The following MORC1 variants were observed in gnomAD, a reference collection of about 807,000 sequenced individuals.
MORC1 encodes the protein MORC family CW-type zinc finger 1, also known as MORC family CW-type zinc finger protein 1.
Under a neutral mutation model 134.9 loss-of-function variants are expected in MORC1, and 59 were observed. The observed-to-expected ratio is 0.44, with a 90% CI of 0.35 to 0.54. The LOEUF (loss-of-function observed/expected upper bound fraction) is 0.54, where lower values mean the gene tolerates loss of function less well. Among genes scored for constraint, MORC1 ranks in the 20% least tolerant of loss-of-function variants. MORC1 has a pLI of 0.00. For synonymous variants in MORC1, 395 were observed against 391.7 expected, an observed-to-expected ratio of 1.01 and a Z score of -0.10; for missense variants, 947 against 1,134.5, an observed-to-expected ratio of 0.83 and a Z score of 2.37.
intron 2 of MORC1, among the ~76,000 whole-genome samples, chr3:109,112,204 C>T (rs1951181701): frequency 6.6e-6 from 1 of 152,132 alleles, no homozygotes; most frequent in African/African-American, 2.4e-5. Context: ...TTATAATAAT[C>T]TTTGTTCTTT....
At chr3:108,996,308 A>ACACACACACACACACACACACACAC (rs1553745343) in intron 21 of MORC1, among the ~76,000 whole-genome samples, 4 of 151,326 alleles carry the variant, frequency 2.6e-5, no homozygotes, top group African/African-American at 7.3e-5. Flanking sequence ...ACACACACAC[A>ACACACACACACACACACACACACAC]ACTAGAATTT....
rs141081594 is a variant in MORC1 at position 109,058,649 on chromosome 3, A to C, written c.1031+1157T>G. Among the ~76,000 whole-genome samples, 208 of 152,192 alleles carry C rather than the reference A, an allele frequency of 1.4e-3. 1 individual carries two copies. The highest frequency in any genetic ancestry group is 0.014 in the Middle Eastern group (4 of 294). ...CTATATATTTATTAAACACATGTAT[A>C]TCTAAGGTTAAATATATAGGAATCA... is the stretch of plus-strand genomic sequence containing the variant. On this transcript the variant is annotated intron_variant, in intron 12 of 27. Coordinates refer to ENST00000232603, the MANE Select transcript of MORC1 (RefSeq NM_014429.4).
Position 109,054,898 on chromosome 3 carries a change from C to A in MORC1, c.1176-16G>T. 1 of 1,575,330 alleles carries A rather than the reference C, an allele frequency of 6.3e-7. No homozygotes were observed. Among genetic ancestry groups the A allele is most frequent in the Non-Finnish European group, 8.6e-7 (1 of 1,168,970 alleles). On this transcript the variant is annotated splice_polypyrimidine_tract_variant and intron_variant, in intron 13 of 27. Transcript: ENST00000232603. ...TGCGCCAAGTCTGAGAAAATATATGCATATTTAAATTTTGAAAATTTGGCT... is the reference window on the plus strand; with the variant it reads ...TGCGCCAAGTCTGAGAAAATATATGAATATTTAAATTTTGAAAATTTGGCT...
Position 109,027,830 on chromosome 3 carries a change from G to C in MORC1, c.1625C>G (p.Pro542Arg), listed in dbSNP as rs772345942. 6.2e-7 allele frequency: 1 copy of C among 1,613,664 alleles called. No individual in the cohort carries two copies. Among genetic ancestry groups the C allele is most frequent in the Non-Finnish European group, 8.5e-7 (1 of 1,179,774 alleles). The change falls in exon 17 of 28, where the codon CCA becomes CGA. Residue 542 changes from proline to arginine, a missense_variant. Physicochemically the swap from Pro to Arg is moderately radical, Grantham distance 103. This residue lies in a region of MORC1 where 722 missense variants were observed against 817.0 expected (regional missense o/e 0.88). Coordinates refer to ENST00000232603, the MANE Select transcript of MORC1 (RefSeq NM_014429.4). ...IPLGTMSTIS[P>R]SKNEKEKQLR... ...TTGCTTCTCTTTCTCATTTTTTGAT[G>C]GTGATATTGTGCTCATGGTGCCCAG...
chr3:109,037,489 C>T (rs958932282), intron 14 of MORC1, among the ~76,000 whole-genome samples: 2 of 152,190 alleles, frequency 1.3e-5, no homozygotes, highest in Non-Finnish European at 2.9e-5. Context: ...ATGTGCACAA[C>T]GTGCAGGTTT....
chr3:108,979,339 A>G (rs1947647584), intron 24 of MORC1, among the ~76,000 whole-genome samples, 176 bp downstream of exon 24: 1 of 152,244 alleles, frequency 6.6e-6, no homozygotes, highest in Non-Finnish European at 1.5e-5. Flanking sequence ...CAGTTCTATT[A>G]CAAGGGATAT....
rs542675414 is a variant in MORC1 at position 108,962,917 on chromosome 3, TA to T, written c.2799+496del. Among the ~76,000 whole-genome samples the T allele has an allele frequency of 1.4e-4, 22 of 152,196 alleles. 1 individual carries two copies. The South Asian group carries it at 4.4e-3, about 30-fold the overall frequency. ...GAGGATTTTTATTTATGCATTAAAA[TA>T]AAAGTAAAGTAAAATATTTCGCTGT... On this transcript the variant is annotated intron_variant, in intron 27 of 27. Transcript: ENST00000232603.
intron 17 of MORC1, among the ~76,000 whole-genome samples, chr3:109,018,659 A>C (rs1359673738): frequency 2.0e-5 from 3 of 152,150 alleles, no homozygotes; most frequent in Non-Finnish European, 4.4e-5. Flanking sequence ...ACTCTCACCC[A>C]ATCCATTGCT....
intron 21 of MORC1, among the ~76,000 whole-genome samples, chr3:108,994,668 T>G (rs74643895): frequency 0.011 from 1,718 of 152,186 alleles, 24 homozygotes; most frequent in African/African-American, 0.039. Flanking sequence ...AAAAAAGGCA[T>G]GTACATGCCT....
At chr3:109,069,524 G>T in intron 9 of MORC1, 108 bp downstream of exon 9, 1 of 1,117,978 alleles carries the variant, frequency 8.9e-7, no homozygotes, top group Admixed American at 2.5e-5. Flanking sequence ...TGTTTACAAT[G>T]TAAAAATCTT....
At chr3:109,108,987 C>A (rs1341062460) in intron 3 of MORC1, among the ~76,000 whole-genome samples, 3 of 152,036 alleles carry the variant, frequency 2.0e-5, no homozygotes, top group African/African-American at 7.2e-5. Flanking sequence ...GCAGAAAAAA[C>A]CTTGGTATGG....
intron 17 of MORC1, among the ~76,000 whole-genome samples, chr3:109,013,138 T>C (rs1948736566): frequency 6.6e-6 from 1 of 152,170 alleles, no homozygotes; most frequent in Non-Finnish European, 1.5e-5. Context: ...TTTTGTCATT[T>C]ATATTTTGCT....
At chr3:109,036,132 T>C (rs1949374478) in intron 14 of MORC1, among the ~76,000 whole-genome samples, 1 of 152,110 alleles carries the variant, frequency 6.6e-6, no homozygotes, top group South Asian at 2.1e-4. Context: ...TAGTAAAAAG[T>C]TGGAGATAAT....
chr3:109,101,053 T>C (rs1051342312), intron 4 of MORC1, among the ~76,000 whole-genome samples: 2 of 152,090 alleles, frequency 1.3e-5, no homozygotes, highest in African/African-American at 4.8e-5. Flanking sequence ...TGGCCTTAGG[T>C]AGAGTTTAAA....
chr3:108,977,420 G>C (rs1029952494), intron 24 of MORC1, among the ~76,000 whole-genome samples: 2 of 152,086 alleles, frequency 1.3e-5, no homozygotes, highest in African/African-American at 4.8e-5. Context: ...GTCTTGCTAT[G>C]TTGCCCAGGC....
chr3:109,093,296 C>A (rs542671967), intron 8 of MORC1, 140 bp downstream of exon 8: 2 of 616,774 alleles, frequency 3.2e-6, no homozygotes, highest in East Asian at 5.5e-5. Context: ...CTGACCTAGC[C>A]CAACTTTACT....
At chr3:109,001,863 C>T (rs893295183) in intron 20 of MORC1, among the ~76,000 whole-genome samples, 42 of 152,282 alleles carry the variant, frequency 2.8e-4, no homozygotes, top group African/African-American at 1.0e-3. Flanking sequence ...CTCTTGGAAG[C>T]CTCAAATTAT....
chr3:109,011,769 C>T (rs1005580163), intron 17 of MORC1, among the ~76,000 whole-genome samples: 1 of 152,142 alleles, frequency 6.6e-6, no homozygotes, highest in Non-Finnish European at 1.5e-5. Context: ...GATCCGCCCA[C>T]CTTGGCCTCC....
chr3:109,054,981 A>T, intron 13 of MORC1, 99 bp from the exon 14 acceptor site: 1 of 1,130,666 alleles, frequency 8.8e-7, no homozygotes, highest in Admixed American at 2.7e-5. Context: ...TTCAAAAATA[A>T]ATTCATTCTG....
Sources: allele counts gnomAD v4.1 joint callset (sites outside exome capture counted in the v4.1 genomes callset), GRCh38; gene constraint gnomAD v4.1.1; regional missense constraint gnomAD v4.1.1; transcripts MANE v1.5; gene names NCBI Gene and HGNC (gene_info 2026-07-23, HGNC 2026-07-21).